The following GRAMD1B variants were observed in gnomAD, a reference collection of about 807,000 sequenced individuals.
GRAMD1B encodes protein Aster-B.
GRAMD1B carries 37 observed loss-of-function variants against 99.7 expected under a neutral mutation model. The ratio of observed to expected loss-of-function variants is 0.37; its 90% CI spans 0.29 to 0.49. The LOEUF (loss-of-function observed/expected upper bound fraction) is 0.49. Ranked by LOEUF, GRAMD1B falls within the 20% of genes least tolerant of loss-of-function variation. The probability of loss-of-function intolerance (pLI) is 0.98; values close to 1 mark genes in which losing one functional copy is unlikely to be tolerated. For missense variants in GRAMD1B, 888 were observed against 1,009.2 expected (o/e 0.88, Z 1.63); for synonymous variants, 427 against 387.6 (o/e 1.10, Z -1.19).
At chr11:123,428,609 T>C (rs1222503878), upstream of GRAMD1B, among the ~76,000 whole-genome samples, 2 of 152,262 alleles carry the variant, frequency 1.3e-5, no homozygotes, top group Non-Finnish European at 2.9e-5. Flanking sequence ...AGCTTTTCCA[T>C]ACTTGACAAG....
Position 123,610,445 on chromosome 11 carries a change from A to ACT in GRAMD1B, c.1919+112_1919+113dup, listed in dbSNP as rs2136951920. 9.3e-7 allele frequency: 1 copy of ACT among 1,079,476 alleles called. No individual in the cohort carries two copies. Among genetic ancestry groups the ACT allele is most frequent in the East Asian group, 2.4e-5 (1 of 41,964 alleles). The allele number at this position is 1,079,476 out of a possible 1,614,324, so 66.9% of individuals were successfully genotyped here. A position where few individuals can be genotyped will look rare whatever the true frequency, so the allele number is the denominator to read the frequency against. ...GGAGGTGGGGAGTGCTTGGCTGCTG[A>ACT]CTCTCTTTATTCTACTTTCTCTCCG... On this transcript the variant is annotated intron_variant, in intron 14 of 19. Coordinates refer to ENST00000635736, the MANE Select transcript of GRAMD1B (RefSeq NM_001387025.1). The surrounding 1 kb of genome is among the most constrained non-coding windows in gnomAD (Gnocchi z 4.1).
chr11:123,589,915 G>A (rs1487305312), intron 4 of GRAMD1B, among the ~76,000 whole-genome samples: 1 of 152,076 alleles, frequency 6.6e-6, no homozygotes, highest in African/African-American at 2.4e-5. Flanking sequence ...GCAGAGCTGG[G>A]GAGAGTGAGG....
chr11:123,582,071 C>G (rs991629385), intron 3 of GRAMD1B, among the ~76,000 whole-genome samples: 1 of 152,252 alleles, frequency 6.6e-6, no homozygotes, highest in African/African-American at 2.4e-5. Context: ...AAGCAGGGAT[C>G]TCGTGACCTG....
intron 15 of GRAMD1B, 63 bp from the exon 16 acceptor site, chr11:123,613,392 C>A: frequency 8.4e-7 from 1 of 1,196,536 alleles, no homozygotes; most frequent in Non-Finnish European, 1.2e-6. Context: ...GAAAATGGTT[C>A]TGCAGAGAGT....
intron 17 of GRAMD1B, chr11:123,618,348 C>T: frequency 6.2e-7 from 1 of 1,612,764 alleles, no homozygotes; most frequent in Non-Finnish European, 8.5e-7. Flanking sequence ...CCATTAGGAT[C>T]TGTTTCAGGT....
At chr11:123,529,413 A>G (rs1241676062) in intron 2 of GRAMD1B, among the ~76,000 whole-genome samples, 1 of 152,338 alleles carries the variant, frequency 6.6e-6, no homozygotes, top group East Asian at 1.9e-4. Context: ...ACCGTGACAT[A>G]TGTCTATGAC....
At chr11:123,583,385 T>C (rs1949667450) in intron 3 of GRAMD1B, among the ~76,000 whole-genome samples, 1 of 89,226 alleles carries the variant, frequency 1.1e-5, no homozygotes. Context: ...GTGTGTGGTG[T>C]GTATGTGTGC....
rs767104181 is a variant in GRAMD1B at position 123,449,714 on chromosome 11, C to CTTTTTTTTTTTTTTTTTTTT, written c.374+18565_374+18566insTTTTTTTTTTTTTTTTTTTT. ...TGCAGATGCATGCCACCATGCCTGG[C>CTTTTTTTTTTTTTTTTTTTT]TTTTTTTTTTTTTTTTTGAGACAGG... On this transcript the variant is annotated intron_variant, in intron 1 of 19. Transcript: ENST00000635736. Among the ~76,000 whole-genome samples, 12 of 99,982 alleles carry CTTTTTTTTTTTTTTTTTTTT rather than the reference C, an allele frequency of 1.2e-4. 3 individuals are homozygous for CTTTTTTTTTTTTTTTTTTTT. The highest frequency in any genetic ancestry group is 3.0e-4 in the East Asian group (1 of 3,384). The allele number at this position is 99,982 out of a possible 152,430, so 65.6% of individuals were successfully genotyped here. A position where few individuals can be genotyped will look rare whatever the true frequency, so the allele number is the denominator to read the frequency against.
intron 17 of GRAMD1B, among the ~76,000 whole-genome samples, chr11:123,616,875 G>A (rs1425878909): frequency 6.6e-6 from 1 of 152,234 alleles, no homozygotes; most frequent in Non-Finnish European, 1.5e-5. Context: ...AAAGAGGCGG[G>A]TGTTCAGATG....
At chr11:123,414,041 A>T (rs1027434349) in intron 1 of GRAMD1B, among the ~76,000 whole-genome samples, 8 of 147,920 alleles carry the variant, frequency 5.4e-5, no homozygotes, top group African/African-American at 2.1e-4. Flanking sequence ...ATCCATCATC[A>T]TCATCATTTT....
At position 123,483,807 on chromosome 11, in the gene GRAMD1B, G is replaced by A. The variant is rs144233375; in HGVS notation, c.452+2914G>A. On this transcript the variant is annotated intron_variant, in intron 2 of 19. Transcript: ENST00000635736. The stretch of plus-strand genomic sequence containing the variant: ...TGGGTGGTGTGTCAAAAGGGATTTC[G>A]TTCTGGTTGAGAGAGTGGAACCTCT... Among the ~76,000 whole-genome samples the A allele has an allele frequency of 2.0e-4, 31 of 152,252 alleles. No homozygotes were observed. The East Asian group carries it at 4.8e-3, about 24-fold the overall frequency.
intron 2 of GRAMD1B, among the ~76,000 whole-genome samples, chr11:123,525,127 C>T (rs1255658547): frequency 6.6e-6 from 1 of 152,158 alleles, no homozygotes; most frequent in Non-Finnish European, 1.5e-5. Flanking sequence ...TTTGTGGTCA[C>T]CTTAAAAGGA....
At chr11:123,513,856 A>G (rs925068591) in intron 2 of GRAMD1B, among the ~76,000 whole-genome samples, 2 of 151,754 alleles carry the variant, frequency 1.3e-5, no homozygotes, top group African/African-American at 4.8e-5. Context: ...GAGTCTCACT[A>G]TGTTGCCCAG....
At chr11:123,573,291 A>C (rs1948362328) in intron 2 of GRAMD1B, among the ~76,000 whole-genome samples, 1 of 152,224 alleles carries the variant, frequency 6.6e-6, no homozygotes, top group Non-Finnish European at 1.5e-5. Context: ...TTCAGGTTTT[A>C]TTCCACAGAG....
intron 1 of GRAMD1B, among the ~76,000 whole-genome samples, 195 bp downstream of exon 1, chr11:123,431,361 T>C (rs1948878788): frequency 6.6e-6 from 1 of 152,234 alleles, no homozygotes; most frequent in South Asian, 2.1e-4. Context: ...GCTCCCCAAC[T>C]CAGGGTGAGG....
intron 2 of GRAMD1B, among the ~76,000 whole-genome samples, chr11:123,568,144 A>G (rs1947606903): frequency 6.6e-6 from 1 of 152,116 alleles, no homozygotes; most frequent in Non-Finnish European, 1.5e-5. Context: ...ATATTTATAC[A>G]AGACAGGGAA....
intron 1 of GRAMD1B, among the ~76,000 whole-genome samples, chr11:123,385,860 A>T (rs57816398): frequency 0.059 from 8,978 of 152,000 alleles, 752 homozygotes; most frequent in African/African-American, 0.19. Flanking sequence ...TGCCACTGTG[A>T]GTCTGTGTGT....
intron 1 of GRAMD1B, among the ~76,000 whole-genome samples, chr11:123,453,191 C>A (rs1055607808): frequency 1.3e-5 from 2 of 152,018 alleles, no homozygotes; most frequent in African/African-American, 4.8e-5. Flanking sequence ...AACCTCTAAT[C>A]CAGCTTAAAT....
At chr11:123,498,450 T>G (rs1160412596) in intron 2 of GRAMD1B, among the ~76,000 whole-genome samples, 1 of 152,244 alleles carries the variant, frequency 6.6e-6, no homozygotes, top group African/African-American at 2.4e-5. Flanking sequence ...TTCAAGACTT[T>G]CTTTCCTGCC....
Sources: allele counts gnomAD v4.1 joint callset (sites outside exome capture counted in the v4.1 genomes callset), GRCh38; gene constraint gnomAD v4.1.1; non-coding constraint Gnocchi (gnomAD v3.1); transcripts MANE v1.5; gene names NCBI Gene and HGNC (gene_info 2026-07-23, HGNC 2026-07-21).